CCDC85A: variants seen among roughly 807,000 people sequenced by gnomAD.
The protein encoded by CCDC85A is coiled-coil domain containing 85A.
In CCDC85A, 38 loss-of-function variants were observed where a neutral mutation model predicts 50.2. The ratio of observed to expected loss-of-function variants is 0.76; its 90% CI spans 0.58 to 0.99. The LOEUF is 0.99. Among genes scored for constraint, CCDC85A ranks in the 50% least tolerant of loss-of-function variants. The pLI is 0.00. For missense variants in CCDC85A, 820 were observed against 742.0 expected, an observed-to-expected ratio of 1.11 and a Z score of -1.22; for synonymous variants, 366 against 301.4, an observed-to-expected ratio of 1.21 and a Z score of -2.22.
chr2:56,238,341 C>T (rs11685046), intron 2 of CCDC85A, among the ~76,000 whole-genome samples: 13,208 of 151,478 alleles, frequency 0.087, 855 homozygotes, highest in Non-Finnish European at 0.14. Context: ...CACTTGAACC[C>T]GGCAGGCAGA....
At chr2:56,202,372 TC>T (rs1259143044) in intron 2 of CCDC85A, among the ~76,000 whole-genome samples, 1 of 152,168 alleles carries the variant, frequency 6.6e-6, no homozygotes, top group Non-Finnish European at 1.5e-5. Flanking sequence ...AACCTTAGTA[TC>T]CTTTTTCCTC....
At chr2:56,331,767 C>G (rs1253339867) in intron 2 of CCDC85A, among the ~76,000 whole-genome samples, 2 of 152,194 alleles carry the variant, frequency 1.3e-5, no homozygotes, top group Non-Finnish European at 2.9e-5. Context: ...AGTAAAAGAA[C>G]AGCACTCGTG....
chr2:56,206,173 C>G (rs1676951738), intron 2 of CCDC85A, among the ~76,000 whole-genome samples: 1 of 152,008 alleles, frequency 6.6e-6, no homozygotes, highest in Non-Finnish European at 1.5e-5. Flanking sequence ...GAAATACAAT[C>G]CAAGAATGTT....
At chr2:56,250,548 G>T (rs1251170712) in intron 2 of CCDC85A, among the ~76,000 whole-genome samples, 2 of 152,138 alleles carry the variant, frequency 1.3e-5, no homozygotes, top group Non-Finnish European at 2.9e-5. Context: ...GAAGCTCAGT[G>T]AGAGAGAGAG....
intron 2 of CCDC85A, among the ~76,000 whole-genome samples, chr2:56,200,240 A>C (rs1257079081): frequency 1.3e-5 from 2 of 152,182 alleles, no homozygotes; most frequent in African/African-American, 4.8e-5. Flanking sequence ...ATCAACTCAA[A>C]TATTTGCTTC....
Position 56,193,203 on chromosome 2 carries a change from A to C in CCDC85A, c.1003A>C (p.Ser335Arg), listed in dbSNP as rs1676379901. 1 of 1,613,508 alleles carries C rather than the reference A, an allele frequency of 6.2e-7. No individual in the cohort carries two copies. Among genetic ancestry groups the C allele is most frequent in the East Asian group, 2.2e-5 (1 of 44,826 alleles). ...SPEHARHSGG[S>R]PEHLQKHALG... ...TGAACACGCCAGGCACAGTGGAGGG[A>C]GCCCGGAGCATCTTCAGAAACACGC... is the stretch of plus-strand genomic sequence containing the variant. The change falls in exon 2 of 6, where the codon AGC (serine) becomes CGC (arginine). Residue 335 changes from serine (S) to arginine (R), a missense_variant. Coordinates refer to ENST00000407595, the MANE Select transcript of CCDC85A (RefSeq NM_001080433.2).
intron 2 of CCDC85A, among the ~76,000 whole-genome samples, chr2:56,335,328 C>A (rs562996032): frequency 6.6e-6 from 1 of 152,244 alleles, no homozygotes; most frequent in Admixed American, 6.5e-5. Context: ...GAGTGCAAGC[C>A]ATGCCTTTAG....
At chr2:56,245,932 T>G (rs1315777763) in intron 2 of CCDC85A, among the ~76,000 whole-genome samples, 1 of 152,202 alleles carries the variant, frequency 6.6e-6, no homozygotes, top group Non-Finnish European at 1.5e-5. Context: ...TTATTCTGTA[T>G]AAATTACCGA....
intron 2 of CCDC85A, among the ~76,000 whole-genome samples, chr2:56,322,556 C>T (rs974720945): frequency 2.0e-5 from 3 of 152,160 alleles, no homozygotes; most frequent in Non-Finnish European, 2.9e-5. Context: ...CTCATCATCA[C>T]GGGCCATCAG....
intron 2 of CCDC85A, among the ~76,000 whole-genome samples, chr2:56,210,485 T>C (rs983884439): frequency 6.6e-6 from 1 of 152,026 alleles, no homozygotes; most frequent in Non-Finnish European, 1.5e-5. Context: ...ATTATGTTCA[T>C]AGATTAGGTG....
At chr2:56,274,464 G>GGGT (rs1317847685) in intron 2 of CCDC85A, among the ~76,000 whole-genome samples, 2 of 152,158 alleles carry the variant, frequency 1.3e-5, no homozygotes, top group African/African-American at 4.8e-5. Flanking sequence ...GGCTCAGGTA[G>GGGT]GGTTTCTGTG....
chr2:56,300,401 T>A (rs754399143), intron 2 of CCDC85A, among the ~76,000 whole-genome samples: 9 of 152,188 alleles, frequency 5.9e-5, no homozygotes, highest in South Asian at 2.1e-4. Flanking sequence ...TTAATGCTGA[T>A]TTGTTGGTAA....
Position 56,184,036 on chromosome 2 carries a change from G to C in CCDC85A, c.-589G>C. On this transcript the variant is annotated 5_prime_UTR_variant, in exon 1 of 6. Transcript: ENST00000407595. Reference sequence around the variant, plus strand: ...ATCGAAGGCTTTCCGGAGCAGCCTAGGAGCGGCCGCGGGCGCAGCGAAGGC... The same window carrying C: ...ATCGAAGGCTTTCCGGAGCAGCCTACGAGCGGCCGCGGGCGCAGCGAAGGC... The C allele has an allele frequency of 1.0e-6, 1 of 985,202 alleles. No individual in the cohort carries two copies. Among genetic ancestry groups the C allele is most frequent in the Non-Finnish European group, 1.2e-6 (1 of 829,772 alleles). 61.0% of individuals were successfully genotyped at this position (985,202 alleles called of 1,614,324 possible).
intron 2 of CCDC85A, among the ~76,000 whole-genome samples, chr2:56,302,743 G>A (rs1362232726): frequency 6.6e-6 from 1 of 152,190 alleles, no homozygotes; most frequent in Non-Finnish European, 1.5e-5. Flanking sequence ...CAGAGTCACT[G>A]TGTGTATGTG....
intron 2 of CCDC85A, among the ~76,000 whole-genome samples, chr2:56,248,183 A>G (rs1669593034): frequency 6.6e-6 from 1 of 152,234 alleles, no homozygotes; most frequent in South Asian, 2.1e-4. Context: ...AATATTCCAT[A>G]GAAACATTGG....
chr2:56,274,704 T>G (rs2104076741), intron 2 of CCDC85A, among the ~76,000 whole-genome samples: 1 of 152,344 alleles, frequency 6.6e-6, no homozygotes, highest in South Asian at 2.1e-4. Context: ...ACACATGAAG[T>G]TAGCCATCAT....
intron 2 of CCDC85A, among the ~76,000 whole-genome samples, chr2:56,196,045 T>C (rs1172366448): frequency 6.6e-6 from 1 of 152,200 alleles, no homozygotes; most frequent in African/African-American, 2.4e-5. Context: ...CTTGTGCTTA[T>C]AATTACAAAC....
chr2:56,366,751 T>C (rs902530934), intron 3 of CCDC85A, among the ~76,000 whole-genome samples: 2 of 152,140 alleles, frequency 1.3e-5, no homozygotes, highest in Non-Finnish European at 2.9e-5. Context: ...AGAGCTGTTA[T>C]GTCAAAAACA....
intron 2 of CCDC85A, among the ~76,000 whole-genome samples, chr2:56,305,341 A>G (rs1239544562): frequency 6.6e-6 from 1 of 152,220 alleles, no homozygotes; most frequent in Non-Finnish European, 1.5e-5. Context: ...ATTATTTATT[A>G]TCCCCATTTT....
Sources: allele counts gnomAD v4.1 joint callset (sites outside exome capture counted in the v4.1 genomes callset), GRCh38; gene constraint gnomAD v4.1.1; transcripts MANE v1.5; gene names NCBI Gene and HGNC (gene_info 2026-07-23, HGNC 2026-07-21).